Variants in ADGRL3 observed in about 807,000 individuals in gnomAD.
ADGRL3 encodes the protein adhesion G protein-coupled receptor L3.
Under a neutral mutation model 153.5 loss-of-function variants are expected in ADGRL3, and 62 were observed. The observed-to-expected ratio is 0.40, with a 90% CI of 0.33 to 0.50. The LOEUF (loss-of-function observed/expected upper bound fraction) is 0.50, where lower values mean the gene tolerates loss of function less well. Ranked by LOEUF, ADGRL3 falls within the 20% of genes least tolerant of loss-of-function variation. The probability of loss-of-function intolerance (pLI) is 0.47; values close to 1 mark genes in which losing one functional copy is unlikely to be tolerated. For synonymous variants in ADGRL3, 710 were observed against 672.5 expected, an observed-to-expected ratio of 1.06 and a Z score of -0.86; for missense variants, 1,641 against 1,859.4, an observed-to-expected ratio of 0.88 and a Z score of 2.16.
chr4:61,823,527 C>G (rs1009040919), intron 9 of ADGRL3, among the ~76,000 whole-genome samples: 2 of 152,066 alleles, frequency 1.3e-5, no homozygotes, highest in African/African-American at 4.8e-5. Context: ...AAGCACTTGA[C>G]ATGGATTATT....
At chr4:61,312,860 G>T (rs1296632211) in intron 1 of ADGRL3, among the ~76,000 whole-genome samples, 1 of 152,114 alleles carries the variant, frequency 6.6e-6, no homozygotes, top group Non-Finnish European at 1.5e-5. Context: ...TTCAGCAATT[G>T]TGCTCCTTGA....
rs558970122 is a variant in ADGRL3, at chr4:61,495,927, C to T, written c.-173-1194C>T. On this transcript the variant is annotated intron_variant, in intron 2 of 26. Transcript: ENST00000683033. ...TTTTAATTTAGTTTGTATCTATATG[C>T]TTACTGTTAAAAACAAGCTATTTAG... 1.2e-3 allele frequency among the ~76,000 whole-genome samples: 178 copies of T among 152,228 alleles called. 1 individual carries two copies. The highest frequency in any genetic ancestry group is 4.0e-3 in the African/African-American group (166 of 41,536).
chr4:61,840,368 C>T (rs577208881), intron 9 of ADGRL3, among the ~76,000 whole-genome samples: 1 of 152,360 alleles, frequency 6.6e-6, no homozygotes, highest in East Asian at 1.9e-4. Flanking sequence ...GCGTGAGCCA[C>T]CGCACCCAGC....
chr4:61,694,992 T>C (rs1369084868), intron 6 of ADGRL3, among the ~76,000 whole-genome samples: 3 of 152,174 alleles, frequency 2.0e-5, no homozygotes, highest in Non-Finnish European at 4.4e-5. Context: ...AGTCACATCT[T>C]CAGGCTCCAC....
At chr4:61,471,428 A>G (rs1414512439) in intron 2 of ADGRL3, among the ~76,000 whole-genome samples, 1 of 151,920 alleles carries the variant, frequency 6.6e-6, no homozygotes, top group Non-Finnish European at 1.5e-5. Context: ...AATAGTATAC[A>G]GATAAATAAA....
At chr4:61,446,526 A>G (rs2097584023) in intron 2 of ADGRL3, among the ~76,000 whole-genome samples, 1 of 152,176 alleles carries the variant, frequency 6.6e-6, no homozygotes, top group Admixed American at 6.5e-5. Context: ...TTCACATCAT[A>G]CCTTCTACTA....
intron 6 of ADGRL3, among the ~76,000 whole-genome samples, chr4:61,717,152 A>T (rs1561115399): frequency 6.7e-6 from 1 of 148,322 alleles, no homozygotes; most frequent in Non-Finnish European, 1.5e-5. Context: ...TGTGTGTATC[A>T]TTTTTTTTGA....
rs549336966 is a variant in ADGRL3, at chr4:61,679,630, G to A, written c.583+2695G>A. Among the ~76,000 whole-genome samples the A allele has an allele frequency of 6.6e-5, 10 of 152,082 alleles. 1 individual carries two copies. The South Asian group carries it at 1.4e-3, about 22-fold the overall frequency. ...ACATGGATAGTGTTTACATGCATAGGCTATTTAATTTTTACAAGATCCTCC... is the reference window on the plus strand; with the variant it reads ...ACATGGATAGTGTTTACATGCATAGACTATTTAATTTTTACAAGATCCTCC... On this transcript the variant is annotated intron_variant, in intron 6 of 26. Coordinates refer to ENST00000683033, the MANE Select transcript of ADGRL3 (RefSeq NM_001387552.1).
intron 1 of ADGRL3, among the ~76,000 whole-genome samples, chr4:61,342,918 A>G (rs1370329897): frequency 1.3e-5 from 2 of 152,202 alleles, no homozygotes; most frequent in African/African-American, 4.8e-5. Context: ...ATTGACTCAC[A>G]GTTCCACATG....
chr4:61,892,189 T>TTC (rs1340065171), intron 9 of ADGRL3, among the ~76,000 whole-genome samples: 1 of 151,918 alleles, frequency 6.6e-6, no homozygotes, highest in Non-Finnish European at 1.5e-5. Flanking sequence ...TTCCTTTTTT[T>TTC]TTTTTTGTCC....
intron 1 of ADGRL3, among the ~76,000 whole-genome samples, chr4:61,307,751 A>C (rs2094847363): frequency 6.6e-6 from 1 of 152,194 alleles, no homozygotes; most frequent in Non-Finnish European, 1.5e-5. Flanking sequence ...TGTGAGGTGC[A>C]TTTAAGGTAG....
intron 1 of ADGRL3, among the ~76,000 whole-genome samples, chr4:61,323,795 C>T (rs981551235): frequency 6.6e-6 from 1 of 152,180 alleles, no homozygotes; most frequent in Non-Finnish European, 1.5e-5. Flanking sequence ...CCAAACTGTT[C>T]CAGTCTCTGC....
chr4:61,637,599 G>A (rs1341393743), intron 5 of ADGRL3, among the ~76,000 whole-genome samples: 1 of 151,910 alleles, frequency 6.6e-6, no homozygotes, highest in African/African-American at 2.4e-5. Context: ...CCTCGTCTAT[G>A]CAAAAATACA....
chr4:61,740,205 A>G (rs922316626), intron 8 of ADGRL3, among the ~76,000 whole-genome samples: 4 of 152,200 alleles, frequency 2.6e-5, no homozygotes, highest in Admixed American at 6.5e-5. Context: ...CCTATTTCCT[A>G]TCTTATAAAA....
At chr4:61,737,963 A>C (rs2096538658) in intron 8 of ADGRL3, among the ~76,000 whole-genome samples, 1 of 151,572 alleles carries the variant, frequency 6.6e-6, no homozygotes, top group Non-Finnish European at 1.5e-5. Flanking sequence ...TTTGAGGACC[A>C]GGTGGTATTT....
intron 9 of ADGRL3, among the ~76,000 whole-genome samples, chr4:61,862,599 T>C (rs2098354044): frequency 6.6e-6 from 1 of 152,212 alleles, no homozygotes; most frequent in African/African-American, 2.4e-5. Flanking sequence ...AGGGCTCCTC[T>C]GCTCCAAGTC....
intron 1 of ADGRL3, among the ~76,000 whole-genome samples, chr4:61,346,548 G>C (rs1022876972): frequency 6.6e-6 from 1 of 151,396 alleles, no homozygotes; most frequent in African/African-American, 2.4e-5. Context: ...AAGATCACTT[G>C]AGGCCAGGAG....
At chr4:61,506,020 A>C (rs2098425990) in intron 3 of ADGRL3, among the ~76,000 whole-genome samples, 1 of 152,046 alleles carries the variant, frequency 6.6e-6, no homozygotes, top group Non-Finnish European at 1.5e-5. Flanking sequence ...CATCTAATCT[A>C]AACTGCTTTA....
At chr4:61,716,751 A>C (rs2096124554) in intron 6 of ADGRL3, among the ~76,000 whole-genome samples, 2 of 152,258 alleles carry the variant, frequency 1.3e-5, no homozygotes, top group South Asian at 2.1e-4. Flanking sequence ...CAAATGCATA[A>C]ACTTAGATGT....
Sources: allele counts gnomAD v4.1 joint callset (sites outside exome capture counted in the v4.1 genomes callset), GRCh38; gene constraint gnomAD v4.1.1; transcripts MANE v1.5; gene names NCBI Gene and HGNC (gene_info 2026-07-23, HGNC 2026-07-21).